Variants in SCUBE2 observed in about 807,000 individuals in gnomAD.
SCUBE2 encodes signal peptide, CUB and EGF-like domain-containing protein 2.
A neutral mutation model predicts 125.9 loss-of-function variants in SCUBE2; 114 were observed. The observed-to-expected ratio is 0.91, with a 90% confidence interval of 0.78 to 1.06. The LOEUF is 1.06. Among genes scored for constraint, SCUBE2 ranks in the 50% least tolerant of loss-of-function variants. The pLI, the probability that SCUBE2 is intolerant of heterozygous loss-of-function variation, is 0.00. For synonymous variants in SCUBE2, 459 were observed against 492.9 expected (o/e 0.93, Z 0.91); for missense variants, 1,255 against 1,301.8 (o/e 0.96, Z 0.55).
intron 16 of SCUBE2, among the ~76,000 whole-genome samples, chr11:9,040,536 AG>A: frequency 8.9e-6 from 1 of 112,936 alleles, no homozygotes; most frequent in African/African-American, 2.8e-5. Context: ...TATCCCAGGC[AG>A]GATGGGGAGG....
chr11:9,024,190 T>C, intron 21 of SCUBE2: 1 of 1,063,886 alleles, frequency 9.4e-7, no homozygotes, highest in Middle Eastern at 4.4e-4. Context: ...GACATTTTCA[T>C]GTGTCACAAA....
intron 2 of SCUBE2, among the ~76,000 whole-genome samples, chr11:9,084,433 A>G (rs567486473): frequency 6.6e-6 from 1 of 152,228 alleles, no homozygotes; most frequent in Non-Finnish European, 1.5e-5. Flanking sequence ...GGCAAGATCC[A>G]CAGTTGGATG....
chr11:9,091,042 G>T lies in SCUBE2; in HGVS notation c.133+354C>A, dbSNP rs987220652. On this transcript the variant is annotated intron_variant, in intron 1 of 22. Coordinates refer to ENST00000649792, the MANE Select transcript of SCUBE2 (RefSeq NM_001367977.2). This position sits in a 1 kb window ranked among gnomAD's most constrained non-coding sequence, Gnocchi z 8.5. The stretch of plus-strand genomic sequence containing the variant: ...CCGCCTCGCGGATGTGCCCGGCCCG[G>T]CCCTCAGTTTCCCCGCCTACGCTGA... Among the ~76,000 whole-genome samples, 2 of 152,188 alleles carry T rather than the reference G, an allele frequency of 1.3e-5. No individual in the cohort carries two copies. The highest frequency in any genetic ancestry group is 2.9e-5 in the Non-Finnish European group (2 of 68,024).
chr11:9,091,516 C>T lies in SCUBE2; in HGVS notation c.13G>A (p.Gly5Ser). 1.1e-6 allele frequency: 1 copy of T among 920,722 alleles called. No homozygotes were observed. The allele number at this position is 920,722 out of a possible 1,614,324, so 57.0% of individuals were successfully genotyped here. The change falls in exon 1 of 23, where the codon GGC becomes AGC. Residue 5 changes from glycine to serine, a missense_variant. By Grantham distance (56) the Gly-to-Ser change is moderately conservative (BLOSUM62 0). Coordinates refer to ENST00000649792, the MANE Select transcript of SCUBE2 (RefSeq NM_001367977.2). The surrounding 1 kb of genome is among the most constrained non-coding windows in gnomAD (Gnocchi z 8.5). MGVA[G>S]RNRPGAAWAV... ...CAGGCCGCCCCGGGACGGTTGCGGC[C>T]CGCGACCCCCATGGATGGCTCAGCG...
chr11:9,051,225 T>TCTACCTATCTAC (rs1555245379), intron 13 of SCUBE2, among the ~76,000 whole-genome samples: 4 of 132,326 alleles, frequency 3.0e-5, no homozygotes, highest in Non-Finnish European at 6.6e-5. Context: ...TATCTATCTA[T>TCTACCTATCTAC]CTACCTACCT....
chr11:9,045,409 C>G (rs1009366151), intron 16 of SCUBE2, among the ~76,000 whole-genome samples: 15 of 152,114 alleles, frequency 9.9e-5, no homozygotes, highest in African/African-American at 3.6e-4. Flanking sequence ...ATGGTTCCAT[C>G]TCTCCCCCCA....
At position 9,030,853 on chromosome 11, in the gene SCUBE2, T is replaced by C; in HGVS notation, c.2246A>G (p.Gln749Arg). 6.2e-7 allele frequency: 1 copy of C among 1,614,192 alleles called. No homozygotes were observed. The highest frequency in any genetic ancestry group is 8.5e-7 in the Non-Finnish European group (1 of 1,180,014). ...GCAGGAAGTTCGACCAGCTTCAGGC[T>C]GGAACGTGCCCAGGGCACAGAGCTG... ...PCQLCALGTF[Q>R]PEAGRTSCFP... The change falls in exon 18 of 23, where the codon CAG (glutamine) becomes CGG (arginine). Residue 749 changes from glutamine to arginine, a missense_variant. This residue lies in a region of SCUBE2 where 515 missense variants were observed against 515.7 expected (regional missense o/e 1.00). Transcript: ENST00000649792.
intron 16 of SCUBE2, among the ~76,000 whole-genome samples, chr11:9,034,096 A>G (rs1856559082): frequency 6.6e-6 from 1 of 152,230 alleles, no homozygotes; most frequent in African/African-American, 2.4e-5. Flanking sequence ...GGTTGAAGAG[A>G]GATTTTTAAA....
At position 9,069,427 on chromosome 11, in the gene SCUBE2, C is replaced by T. The variant is rs374511237; in HGVS notation, c.586G>A (p.Val196Ile). 79 of 1,614,098 alleles carry T rather than the reference C, an allele frequency of 4.9e-5. No individual in the cohort carries two copies. The highest frequency in any genetic ancestry group is 1.6e-4 in the Middle Eastern group (1 of 6,084). Reference protein sequence around the residue: ...HICKEAPRGSVACECRPGFEL... With the variant: ...HICKEAPRGSIACECRPGFEL... ...AAACCAGGCCTGCACTCACAGGCGA[C>T]GCTGCCCCTTGGGGCCTCCTTGCAG... Residue 196 changes from valine to isoleucine, a missense_variant, in exon 5 of 23, where the codon GTC (valine) becomes ATC (isoleucine). Val to Ile is a conservative substitution (Grantham distance 29). Transcript: ENST00000649792.
chr11:9,053,379 CCT>C (rs1858639416), intron 11 of SCUBE2, among the ~76,000 whole-genome samples, 164 bp from the exon 12 acceptor site: 1 of 152,220 alleles, frequency 6.6e-6, no homozygotes. Context: ...GAAAGGAGCC[CCT>C]GATATGCCAT....
chr11:9,066,344 G>C (rs1370259251), intron 6 of SCUBE2, among the ~76,000 whole-genome samples: 1 of 152,208 alleles, frequency 6.6e-6, no homozygotes, highest in African/African-American at 2.4e-5. Context: ...CATCCCGCCA[G>C]AAATATACGG....
chr11:9,068,805 G>A (rs1197373948), intron 5 of SCUBE2, among the ~76,000 whole-genome samples: 1 of 152,202 alleles, frequency 6.6e-6, no homozygotes, highest in Non-Finnish European at 1.5e-5. Context: ...ATGGGATATG[G>A]CACATCTTGA....
At position 9,050,634 on chromosome 11, in the gene SCUBE2, A is replaced by C; in HGVS notation, c.1611T>G (p.Phe537Leu). 6.2e-7 allele frequency: 1 copy of C among 1,614,176 alleles called. No homozygotes were observed. Among genetic ancestry groups the C allele is most frequent in the Non-Finnish European group, 8.5e-7 (1 of 1,179,980 alleles). Residue 537 changes from phenylalanine to leucine, a missense_variant, in exon 14 of 23, where the codon TTT becomes TTG. Physicochemically the swap from Phe to Leu is conservative, Grantham distance 22. Around this residue, in one of 3 missense-constraint regions of SCUBE2, gnomAD observed 378 missense variants for 463.1 expected, o/e 0.82. Coordinates refer to ENST00000649792, the MANE Select transcript of SCUBE2 (RefSeq NM_001367977.2). ...GKCSLKNAEL[F>L]PEGLRPALPE... is the part of the protein sequence containing the mutation. ...GTAGTGCTGGTCGCAGACCCTCGGG[A>C]AACAGCTCAGCATTTTTCAAACTAC...
chr11:9,089,347 C>G (rs916933894), intron 2 of SCUBE2, among the ~76,000 whole-genome samples: 2 of 152,218 alleles, frequency 1.3e-5, no homozygotes, highest in African/African-American at 4.8e-5. Context: ...CAAACCGCCC[C>G]AGGGAGGTGC....
chr11:9,068,492 A>C (rs900560063), intron 5 of SCUBE2, among the ~76,000 whole-genome samples: 6 of 152,192 alleles, frequency 3.9e-5, no homozygotes, highest in Admixed American at 1.3e-4. Flanking sequence ...GAGGGGGCTC[A>C]TACCTGGGGA....
intron 19 of SCUBE2, among the ~76,000 whole-genome samples, 184 bp from the exon 20 acceptor site, chr11:9,027,745 C>G (rs998576508): frequency 1.3e-5 from 2 of 152,178 alleles, no homozygotes; most frequent in Non-Finnish European, 2.9e-5. Context: ...ATTAGCTCCC[C>G]ACAAGGAGTC....
intron 16 of SCUBE2, among the ~76,000 whole-genome samples, chr11:9,039,936 C>T (rs937136110): frequency 6.6e-6 from 1 of 152,216 alleles, no homozygotes; most frequent in Non-Finnish European, 1.5e-5. Flanking sequence ...TAGAAAGCAG[C>T]TTTGATGGAT....
chr11:9,039,891 T>C (rs1332350134), intron 16 of SCUBE2, among the ~76,000 whole-genome samples: 1 of 152,236 alleles, frequency 6.6e-6, no homozygotes, highest in Non-Finnish European at 1.5e-5. Context: ...CTGACCTATA[T>C]GATCGTGTTT....
In SCUBE2 at chr11:9,021,221, A is replaced by G. The variant is rs370288220; in HGVS notation, c.2935-24T>C. 33 of 1,531,086 alleles carry G rather than the reference A, an allele frequency of 2.2e-5. No homozygotes were observed. In the African/African-American group the frequency reaches 3.0e-4, roughly 14 times the overall value. 94.8% of individuals were successfully genotyped at this position (1,531,086 alleles called of 1,614,324 possible). On this transcript the variant is annotated intron_variant, in intron 22 of 22. Coordinates refer to ENST00000649792, the MANE Select transcript of SCUBE2 (RefSeq NM_001367977.2). ...TCCTAAAAAGAACAGAATTTTTGTT[A>G]CTGGGCCAAAATATTTAAATATGCT...
Sources: allele counts gnomAD v4.1 joint callset (sites outside exome capture counted in the v4.1 genomes callset), GRCh38; gene constraint gnomAD v4.1.1; regional missense constraint gnomAD v4.1.1; non-coding constraint Gnocchi (gnomAD v3.1); transcripts MANE v1.5; gene names NCBI Gene and HGNC (gene_info 2026-07-23, HGNC 2026-07-21).